REL: variants seen among roughly 807,000 people sequenced by gnomAD.
REL encodes the protein proto-oncogene c-Rel.
REL carries 15 observed loss-of-function variants against 45.9 expected under a neutral mutation model. That is an observed-to-expected ratio of 0.33 (90% CI 0.22 to 0.50). REL has a LOEUF of 0.50. Ranked by LOEUF, REL falls within the 20% of genes least tolerant of loss-of-function variation. The pLI is 0.98. For synonymous variants in REL, 239 were observed against 242.1 expected, an observed-to-expected ratio of 0.99 and a Z score of 0.12; for missense variants, 601 against 715.2, an observed-to-expected ratio of 0.84 and a Z score of 1.82.
chr2:60,916,638 C>A (rs1404830492), intron 4 of REL, among the ~76,000 whole-genome samples: 1 of 152,056 alleles, frequency 6.6e-6, no homozygotes, highest in South Asian at 2.1e-4. Context: ...TGCTTTAAAT[C>A]CCAGGTGAGG....
intron 4 of REL, among the ~76,000 whole-genome samples, chr2:60,915,318 T>C (rs1407141395): frequency 6.6e-6 from 1 of 152,234 alleles, no homozygotes; most frequent in Non-Finnish European, 1.5e-5. Flanking sequence ...GAATGCTACA[T>C]TTATAATGCT....
chr2:60,894,451 G>T lies in REL; in HGVS notation c.208G>T (p.Asp70Tyr). 6.3e-7 allele frequency: 1 copy of T among 1,597,030 alleles called. No homozygotes were observed. The highest frequency in any genetic ancestry group is 1.1e-5 in the South Asian group (1 of 88,912). Residue 70 changes from aspartate (D) to tyrosine (Y), a missense_variant, in exon 3 of 10, where the codon GAC (aspartate) becomes TAC (tyrosine). Physicochemically the swap from Asp to Tyr is radical, Grantham distance 160. Transcript: ENST00000394479. ...KVRITLVTKN[D>Y]PYKPHPHDLV... Reference sequence around the variant, plus strand: ...GAGAATTACATTAGTAACAAAGAATGACCCATATAAACCTCATCCTCATGA... The same window carrying T: ...GAGAATTACATTAGTAACAAAGAATTACCCATATAAACCTCATCCTCATGA...
chr2:60,923,081 T>G lies in REL; in HGVS notation c.*546T>G, dbSNP rs1674188862. 1 of 178,246 alleles carries G rather than the reference T, an allele frequency of 5.6e-6. No individual in the cohort carries two copies. Among genetic ancestry groups the G allele is most frequent in the Non-Finnish European group, 1.2e-5 (1 of 83,120 alleles). The allele number at this position is 178,246 out of a possible 1,614,324, so 11.0% of individuals were successfully genotyped here. Reference sequence around the variant, plus strand: ...ACAAAAAAAACACACTTTTTTATATTTCTTTTTATAATGTTTTAATGTATT... The same window carrying G: ...ACAAAAAAAACACACTTTTTTATATGTCTTTTTATAATGTTTTAATGTATT... On this transcript the variant is annotated 3_prime_UTR_variant, in exon 10 of 10. Coordinates refer to ENST00000394479, the MANE Select transcript of REL (RefSeq NM_001291746.2).
chr2:60,906,526 T>C (rs1337266656), intron 4 of REL, among the ~76,000 whole-genome samples: 3 of 152,160 alleles, frequency 2.0e-5, no homozygotes, highest in African/African-American at 4.8e-5. Context: ...TTTAAAGCCC[T>C]TCATAATCTG....
At chr2:60,917,877 A>G (rs1674026872) in intron 5 of REL, among the ~76,000 whole-genome samples, 1 of 152,052 alleles carries the variant, frequency 6.6e-6, no homozygotes, top group African/African-American at 2.4e-5. Context: ...TTGTATTGCC[A>G]TGGGGATGTG....
chr2:60,902,377 G>A (rs1673521985), intron 4 of REL, among the ~76,000 whole-genome samples: 1 of 151,918 alleles, frequency 6.6e-6, no homozygotes, highest in Admixed American at 6.6e-5. Context: ...TAAGTTTGAT[G>A]TATATTTTTC....
intron 4 of REL, among the ~76,000 whole-genome samples, chr2:60,913,047 G>C (rs145515132): frequency 1.6e-3 from 247 of 152,140 alleles, no homozygotes; most frequent in South Asian, 2.7e-3. Context: ...AAGACACAAA[G>C]TGTTTTCTAT....
chr2:60,895,527 T>C (rs1361951431), intron 3 of REL, among the ~76,000 whole-genome samples: 1 of 152,142 alleles, frequency 6.6e-6, no homozygotes, highest in Non-Finnish European at 1.5e-5. Flanking sequence ...AAAAATCAAC[T>C]GGAAAACTCT....
At position 60,921,980 on chromosome 2, in the gene REL, A is replaced by T; in HGVS notation, c.1209A>T (p.Thr403=). Residue 403 remains threonine (T), a synonymous_variant, in exon 10 of 10, where the codon ACA becomes ACT. Transcript: ENST00000394479. ...TNPLSSFSTR[T]LPSNSQGIPP... ...CACTGAGTAGTTTTTCAACAAGGAC[A>T]CTTCCTTCTAATTCGCAAGGTATCC... 1 of 1,614,180 alleles carries T rather than the reference A, an allele frequency of 6.2e-7. No individual in the cohort carries two copies. Among genetic ancestry groups the T allele is most frequent in the Non-Finnish European group, 8.5e-7 (1 of 1,180,036 alleles).
chr2:60,895,713 A>G (rs564874450), intron 3 of REL, among the ~76,000 whole-genome samples: 8 of 152,354 alleles, frequency 5.3e-5, no homozygotes, highest in African/African-American at 1.9e-4. Flanking sequence ...ACATGGCAAA[A>G]GCCTGAAAAA....
At position 60,924,210 on chromosome 2, in the gene REL, G is replaced by T. The variant is rs1030661948; in HGVS notation, c.*1675G>T. 14 of 229,110 alleles carry T rather than the reference G, an allele frequency of 6.1e-5. No individual in the cohort carries two copies. The highest frequency in any genetic ancestry group is 6.6e-5 in the African/African-American group (3 of 45,114). 14.2% of individuals were successfully genotyped at this position (229,110 alleles called of 1,614,324 possible). A position where few individuals can be genotyped will look rare whatever the true frequency, so the allele number is the denominator to read the frequency against. On this transcript the variant is annotated 3_prime_UTR_variant, in exon 10 of 10. Coordinates refer to ENST00000394479, the MANE Select transcript of REL (RefSeq NM_001291746.2). ...GCATTCCCTTTCCCCCCTGCTTTAT[G>T]TATGTCCATAGCACTCACCACGATC... is the stretch of plus-strand genomic sequence containing the variant.
At chr2:60,892,172 G>A (rs1673231571) in intron 2 of REL, among the ~76,000 whole-genome samples, 1 of 152,056 alleles carries the variant, frequency 6.6e-6, no homozygotes, top group Non-Finnish European at 1.5e-5. Context: ...CTCTGCAGAG[G>A]TGAGTGATAT....
chr2:60,905,842 C>T (rs1229908151), intron 4 of REL, among the ~76,000 whole-genome samples: 2 of 152,188 alleles, frequency 1.3e-5, no homozygotes, highest in Non-Finnish European at 2.9e-5. Context: ...ACTCTTTCAC[C>T]ATGACCCACA....
chr2:60,915,716 CTT>C (rs1445620261), intron 4 of REL, among the ~76,000 whole-genome samples: 5 of 152,224 alleles, frequency 3.3e-5, no homozygotes, highest in South Asian at 2.1e-4. Context: ...AAAAATATGA[CTT>C]ATTGCTATAG....
intron 1 of REL, among the ~76,000 whole-genome samples, chr2:60,890,702 CTG>C (rs1161783892): frequency 6.6e-6 from 1 of 152,092 alleles, no homozygotes; most frequent in East Asian, 1.9e-4. Context: ...GTACAACAAA[CTG>C]TACTTTTAAA....
In REL at chr2:60,921,854, C is replaced by G. The variant is rs951559370; in HGVS notation, c.1083C>G (p.Pro361=). ...AATCCTACTATCCCTCACCTGGGCC[C>G]ATCTCAAGTGGATTGTCACATCATG... The part of the protein sequence containing the change: ...QAESYYPSPG[P]ISSGLSHHAS... The change falls in exon 10 of 10, where the codon CCC becomes CCG. Residue 361 remains proline (P), a synonymous_variant. Transcript: ENST00000394479. The G allele has an allele frequency of 1.2e-6, 2 of 1,614,002 alleles. No homozygotes were observed. The highest frequency in any genetic ancestry group is 2.7e-5 in the African/African-American group (2 of 74,912).
chr2:60,906,057 G>C (rs1239546897), intron 4 of REL, among the ~76,000 whole-genome samples: 1 of 152,206 alleles, frequency 6.6e-6, no homozygotes, highest in East Asian at 1.9e-4. Context: ...GCACTTCTTA[G>C]ATGGTGGCAG....
chr2:60,918,722 T>C (rs1281168660), intron 7 of REL, 116 bp downstream of exon 7: 1 of 731,544 alleles, frequency 1.4e-6, no homozygotes, highest in Non-Finnish European at 2.3e-6. Flanking sequence ...ATGTTTCTTT[T>C]CCTGGAAGCT....
rs1573353443 is a variant in REL at position 60,927,077 on chromosome 2, G to A, written c.*4542G>A. 43 of 227,738 alleles carry A rather than the reference G, an allele frequency of 1.9e-4. No individual in the cohort carries two copies. The East Asian group carries it at 2.7e-3, about 14-fold the overall frequency. The allele number at this position is 227,738 out of a possible 1,614,324, so 14.1% of individuals were successfully genotyped here. ...GAAGGTTGGTCCTGCCTCCTTACTT[G>A]AGGTGAAGCTTTGTACATGCCTGTA... On this transcript the variant is annotated 3_prime_UTR_variant, in exon 10 of 10. Transcript: ENST00000394479.
Sources: gnomAD v4.1 joint callset for allele counts (sites outside exome capture counted in the v4.1 genomes callset) on GRCh38, gnomAD v4.1.1 for gene constraint, MANE v1.5 for transcripts, NCBI Gene and HGNC (gene_info 2026-07-23, HGNC 2026-07-21) for gene names.